The following RYR3 variants were observed in gnomAD, a reference collection of about 807,000 sequenced individuals.
RYR3 encodes the protein brain ryanodine receptor-calcium release channel.
A neutral mutation model predicts 584.3 loss-of-function variants in RYR3; 207 were observed. The observed-to-expected ratio is 0.35, with a 90% CI of 0.32 to 0.40. The LOEUF (loss-of-function observed/expected upper bound fraction) is 0.40. RYR3 is among the 10% of genes least tolerant of loss of function. The pLI is 1.00. For synonymous variants in RYR3, 2,416 were observed against 2,248.5 expected, an observed-to-expected ratio of 1.07 and a Z score of -2.11; for missense variants, 5,616 against 6,089.2, an observed-to-expected ratio of 0.92 and a Z score of 2.59.
At chr15:33,665,395 T>C (rs905096406) in intron 36 of RYR3, among the ~76,000 whole-genome samples, 2 of 152,266 alleles carry the variant, frequency 1.3e-5, no homozygotes, top group African/African-American at 2.4e-5. Context: ...GTAAGCATTC[T>C]GTAAGTACTA....
intron 1 of RYR3, among the ~76,000 whole-genome samples, chr15:33,449,601 T>C (rs936271704): frequency 6.6e-6 from 1 of 152,260 alleles, no homozygotes; most frequent in African/African-American, 2.4e-5. Flanking sequence ...ATTAGTAATG[T>C]ATTTTAAAAT....
chr15:33,817,879 G>A (rs773811928), intron 75 of RYR3, among the ~76,000 whole-genome samples: 8 of 152,050 alleles, frequency 5.3e-5, no homozygotes, highest in Non-Finnish European at 1.2e-4. Flanking sequence ...ACCAAATACG[G>A]TCCACCCTGC....
intron 43 of RYR3, among the ~76,000 whole-genome samples, chr15:33,714,478 G>A (rs971614374): frequency 5.9e-5 from 9 of 152,128 alleles, no homozygotes; most frequent in Admixed American, 1.3e-4. Context: ...TAATGAAGTC[G>A]TTAAGCTTCT....
chr15:33,313,188 C>T (rs1035002439), intron 1 of RYR3, among the ~76,000 whole-genome samples: 3 of 152,114 alleles, frequency 2.0e-5, no homozygotes, highest in Admixed American at 6.5e-5. Context: ...CTATGAGGCA[C>T]CTTAACATCT....
rs2079854723 is a variant in RYR3, at chr15:33,857,833, G to A, written c.14061G>A (p.Val4687=). 1 of 1,614,164 alleles carries A rather than the reference G, an allele frequency of 6.2e-7. No individual in the cohort carries two copies. Among genetic ancestry groups the A allele is most frequent in the Non-Finnish European group, 8.5e-7 (1 of 1,180,028 alleles). The change falls in exon 99 of 104, where the codon GTG becomes GTA. Residue 4687 remains valine (V), a synonymous_variant. Coordinates refer to ENST00000634891, the MANE Select transcript of RYR3 (RefSeq NM_001036.6). The part of the protein sequence containing the change: ...LAVVVYLYTV[V]AFNFFRKFYN... ...TGGTGGTTTATCTCTATACTGTGGT[G>A]GCTTTCAACTTCTTCCGCAAGTTCT...
At chr15:33,442,553 G>T (rs992072224) in intron 1 of RYR3, among the ~76,000 whole-genome samples, 1 of 152,176 alleles carries the variant, frequency 6.6e-6, no homozygotes, top group Admixed American at 6.5e-5. Context: ...TTGCAAAGAC[G>T]TATCATGTAA....
chr15:33,356,209 T>C (rs547914712), intron 1 of RYR3, among the ~76,000 whole-genome samples: 12 of 152,304 alleles, frequency 7.9e-5, no homozygotes, highest in Admixed American at 6.5e-4. Flanking sequence ...ACTAGATACC[T>C]CTGGCAATCT....
chr15:33,723,120 G>A (rs2068074135), intron 44 of RYR3, among the ~76,000 whole-genome samples: 1 of 152,250 alleles, frequency 6.6e-6, no homozygotes, highest in Non-Finnish European at 1.5e-5. Context: ...GCTCAGCGCA[G>A]CTGGAAATCA....
chr15:33,794,299 ATATATATTTT>A (rs1306523263), intron 67 of RYR3, among the ~76,000 whole-genome samples: 40 of 104,338 alleles, frequency 3.8e-4, no homozygotes, highest in African/African-American at 1.2e-3. Flanking sequence ...GATTTTTTAT[ATATATATTTT>A]TATATATATA....
chr15:33,511,968 C>T (rs1325788198), intron 3 of RYR3, among the ~76,000 whole-genome samples: 101 of 152,128 alleles, frequency 6.6e-4, no homozygotes, highest in Admixed American at 5.6e-3. Context: ...TTAGTAGAGA[C>T]GGGGTTTCAC....
chr15:33,788,516 A>G (rs2074883180), intron 67 of RYR3, 58 bp downstream of exon 67: 2 of 1,584,878 alleles, frequency 1.3e-6, no homozygotes, highest in Admixed American at 1.7e-5. Flanking sequence ...TTTAGGCAAC[A>G]GAATAAAATG....
At chr15:33,816,095 C>T (rs913351723) in intron 74 of RYR3, among the ~76,000 whole-genome samples, 7 of 152,202 alleles carry the variant, frequency 4.6e-5, no homozygotes, top group Non-Finnish European at 7.3e-5. Context: ...CTACCGAAAA[C>T]CATGACCGGA....
intron 101 of RYR3, 114 bp from the exon 102 acceptor site, chr15:33,860,964 A>C: frequency 1.2e-6 from 1 of 862,584 alleles, no homozygotes; most frequent in Non-Finnish European, 1.9e-6. Context: ...ACTAATAGCC[A>C]AAAGCATTAG....
At chr15:33,472,279 G>C (rs898616910) in intron 1 of RYR3, among the ~76,000 whole-genome samples, 5 of 152,172 alleles carry the variant, frequency 3.3e-5, no homozygotes, top group African/African-American at 9.7e-5. Context: ...TGTTAATCGT[G>C]AATTGCTTCG....
At chr15:33,659,932 G>C (rs898478579) in intron 33 of RYR3, 126 bp downstream of exon 33, 5 of 690,738 alleles carry the variant, frequency 7.2e-6, no homozygotes, top group Non-Finnish European at 1.2e-5. Flanking sequence ...CCCACCCCCA[G>C]GCCCTGCCCT....
rs112686043 is a variant in RYR3, at chr15:33,400,071, A to C, written c.52-73348A>C. On this transcript the variant is annotated intron_variant, in intron 1 of 103. Transcript: ENST00000634891. ...TTCTCGCAAGGAAAACACTAAGCTGACTTCTTATCTCATGGATAAATTTTG... is the reference window on the plus strand; with the variant it reads ...TTCTCGCAAGGAAAACACTAAGCTGCCTTCTTATCTCATGGATAAATTTTG... Among the ~76,000 whole-genome samples the C allele has an allele frequency of 4.7e-3, 714 of 152,114 alleles. 9 individuals are homozygous for C. Among genetic ancestry groups the C allele is most frequent in the African/African-American group, 0.016 (672 of 41,480 alleles).
chr15:33,418,930 G>A (rs2044026026), intron 1 of RYR3, among the ~76,000 whole-genome samples: 1 of 152,110 alleles, frequency 6.6e-6, no homozygotes, highest in African/African-American at 2.4e-5. Context: ...GGTAATATGA[G>A]GATAGATGGC....
At chr15:33,598,597 G>T (rs1375857115) in intron 16 of RYR3, among the ~76,000 whole-genome samples, 59 of 151,706 alleles carry the variant, frequency 3.9e-4, no homozygotes, top group Non-Finnish European at 1.8e-4. Context: ...ATGGGTCTTA[G>T]GCTATAGACT....
intron 18 of RYR3, among the ~76,000 whole-genome samples, 200 bp downstream of exon 18, chr15:33,603,564 G>A (rs1440750059): frequency 1.3e-5 from 2 of 152,172 alleles, no homozygotes; most frequent in East Asian, 3.9e-4. Context: ...TAGCTACATG[G>A]TCTAGTGCAG....
Sources: allele counts gnomAD v4.1 joint callset (sites outside exome capture counted in the v4.1 genomes callset), GRCh38; gene constraint gnomAD v4.1.1; transcripts MANE v1.5; gene names NCBI Gene and HGNC (gene_info 2026-07-23, HGNC 2026-07-21).